The following BCAP31 variants were observed in gnomAD, a reference collection of about 807,000 sequenced individuals.
BCAP31 encodes B cell receptor associated protein 31.
For missense variants in BCAP31, 124 were observed against 193.0 expected (o/e 0.64, Z 2.12); for synonymous variants, 75 against 80.9 (o/e 0.93, Z 0.39).
chrX:153,712,314 C>T (rs2148377436), intron 4 of BCAP31, among the ~76,000 whole-genome samples: 1 of 109,941 alleles, frequency 9.1e-6, no homozygotes, highest in East Asian at 2.8e-4. Context: ...CCCAGCTACT[C>T]GGGAGGCTGA....
chrX:153,715,317 A>C (rs1350667345), intron 4 of BCAP31: 2 of 438,408 alleles, frequency 4.6e-6, no homozygotes, highest in African/African-American at 4.9e-5. Flanking sequence ...GTGGTGTGTG[A>C]GGGTCTTCTG....
At chrX:153,706,152 G>A (rs1471658970) in intron 4 of BCAP31, among the ~76,000 whole-genome samples, 1 of 111,014 alleles carries the variant, frequency 9.0e-6, no homozygotes, top group Non-Finnish European at 1.9e-5. Context: ...GCCAGGCCCC[G>A]GTTCCCCTTC....
intron 1 of BCAP31, chrX:153,723,802 C>G: frequency 1.2e-6 from 1 of 813,179 alleles, no homozygotes; most frequent in South Asian, 2.5e-5. Flanking sequence ...ACCGTCCCCA[C>G]GGCGCCCGCG....
At chrX:153,713,475 A>T (rs1371933737) in intron 4 of BCAP31, among the ~76,000 whole-genome samples, 2 of 112,341 alleles carry the variant, frequency 1.8e-5, no homozygotes, top group Non-Finnish European at 3.8e-5. Flanking sequence ...CTTTTCCAAA[A>T]GCATACAAGC....
At chrX:153,722,621 G>A (rs1455742022) in intron 2 of BCAP31, among the ~76,000 whole-genome samples, 2 of 112,320 alleles carry the variant, frequency 1.8e-5, no homozygotes, top group African/African-American at 3.2e-5. Flanking sequence ...ATAGGGATGT[G>A]TTCAGGTATT....
chrX:153,724,007 G>A (rs1416428423), intron 1 of BCAP31: 7 of 369,031 alleles, frequency 1.9e-5, no homozygotes, highest in East Asian at 1.4e-4. Context: ...AGAAGCCAGG[G>A]GTCCTTACAG....
At chrX:153,703,192 C>T (rs1267624091) in intron 5 of BCAP31, 134 bp from the exon 6 acceptor site, 32 of 935,169 alleles carry the variant, frequency 3.4e-5, no homozygotes, top group South Asian at 1.4e-4. Flanking sequence ...AACGCGGAAC[C>T]GAGCCACCAC....
intron 4 of BCAP31, among the ~76,000 whole-genome samples, chrX:153,708,404 A>G (rs1430752067): frequency 8.9e-5 from 10 of 112,314 alleles, no homozygotes; most frequent in Non-Finnish European, 1.9e-4. Flanking sequence ...CCCGACCAAA[A>G]GATTCCATGC....
intron 4 of BCAP31, among the ~76,000 whole-genome samples, chrX:153,710,109 ATG>A (rs782620232): frequency 8.9e-6 from 1 of 112,038 alleles, no homozygotes; most frequent in African/African-American, 3.2e-5. Context: ...GGGGGAGAGC[ATG>A]TGTTACGTGA....
At chrX:153,710,209 T>C (rs782302302) in intron 4 of BCAP31, among the ~76,000 whole-genome samples, 3 of 110,888 alleles carry the variant, frequency 2.7e-5, no homozygotes, top group Admixed American at 9.5e-5. Flanking sequence ...GGAGGATCCA[T>C]GTGATAGCGA....
intron 2 of BCAP31, among the ~76,000 whole-genome samples, chrX:153,721,741 A>T (rs782762468): frequency 5.4e-4 from 58 of 107,186 alleles, no homozygotes; most frequent in South Asian, 8.4e-4. Context: ...TATATATATA[A>T]AAAAAAATTA....
At chrX:153,713,852 C>T (rs2091607963) in intron 4 of BCAP31, among the ~76,000 whole-genome samples, 3 of 106,809 alleles carry the variant, frequency 2.8e-5, no homozygotes, top group African/African-American at 1.0e-4. Context: ...TCAGAGCTCC[C>T]GGCAGGTTTT....
chrX:153,712,459 T>TG (rs1350336201), intron 4 of BCAP31, among the ~76,000 whole-genome samples: 3 of 111,309 alleles, frequency 2.7e-5, no homozygotes, highest in Admixed American at 9.5e-5. Flanking sequence ...ACAGGTCAGT[T>TG]GTCCCAGAAA....
chrX:153,720,891 G>A lies in BCAP31; in HGVS notation c.174C>T (p.Ile58=), dbSNP rs782229978. Residue 58 remains isoleucine, a synonymous_variant, in exon 3 of 8, where the codon ATC becomes ATT. Coordinates refer to ENST00000345046, the MANE Select transcript of BCAP31 (RefSeq NM_001256447.2). ...ACTCACCGATGACCAACAGCACAAG[G>A]ATGACAATGAGAACCACAAAGAAGG... ...GNTFFVVLIV[I]LVLLVIDAVR... 57 of 1,210,200 alleles carry A rather than the reference G, an allele frequency of 4.7e-5. No homozygotes were observed. In the South Asian group the frequency reaches 9.7e-4, roughly 21 times the overall value.
intron 4 of BCAP31, among the ~76,000 whole-genome samples, chrX:153,709,312 G>C (rs1242668043): frequency 8.9e-6 from 1 of 112,200 alleles, no homozygotes; most frequent in African/African-American, 3.2e-5. Flanking sequence ...GGGGTAAAGA[G>C]GAAACAAAAG....
In BCAP31 at chrX:153,700,924, AG is replaced by A. The variant is rs782596614; in HGVS notation, c.*12del. On this transcript the variant is annotated 3_prime_UTR_variant, in exon 8 of 8. Transcript: ENST00000345046. Reference sequence around the variant, plus strand: ...GGTGGAAGCCAGCTGCAGGCAGGGGAGGAAGGAGGCCCTTACTCTTCCTTCT... The same window carrying A: ...GGTGGAAGCCAGCTGCAGGCAGGGGAGAAGGAGGCCCTTACTCTTCCTTCT... 1.7e-6 allele frequency: 2 copies of A among 1,202,261 alleles called. No homozygotes were observed. The highest frequency in any genetic ancestry group is 2.2e-6 in the Non-Finnish European group (2 of 891,044).
At chrX:153,712,701 T>G (rs1557049384) in intron 4 of BCAP31, among the ~76,000 whole-genome samples, 1 of 112,260 alleles carries the variant, frequency 8.9e-6, no homozygotes, top group East Asian at 2.8e-4. Flanking sequence ...AAGGAAACGG[T>G]GATCCCAGAG....
At chrX:153,718,145 G>A (rs1294501939) in intron 3 of BCAP31, among the ~76,000 whole-genome samples, 5 of 109,880 alleles carry the variant, frequency 4.6e-5, no homozygotes, top group East Asian at 2.8e-4. Flanking sequence ...GTGAAACCTC[G>A]TCTCTACTAA....
At chrX:153,704,614 A>G (rs1397511530) in intron 4 of BCAP31, among the ~76,000 whole-genome samples, 13 of 112,162 alleles carry the variant, frequency 1.2e-4, no homozygotes, top group African/African-American at 3.6e-4. Context: ...CAATGTACCC[A>G]AGGCCAAAAA....
Sources: allele counts gnomAD v4.1 joint callset (sites outside exome capture counted in the v4.1 genomes callset), GRCh38; gene constraint gnomAD v4.1.1; transcripts MANE v1.5; gene names NCBI Gene and HGNC (gene_info 2026-07-23, HGNC 2026-07-21).